ARHGAP32: variants seen among roughly 807,000 people sequenced by gnomAD.
ARHGAP32 encodes rho GTPase-activating protein 32.
In ARHGAP32, 51 loss-of-function variants were observed where a neutral mutation model predicts 186.5. The observed-to-expected ratio is 0.27, with a 90% CI of 0.22 to 0.35. ARHGAP32 has a LOEUF of 0.35. ARHGAP32 is among the 10% of genes least tolerant of loss of function. The pLI is 1.00. For missense variants in ARHGAP32, 2,186 were observed against 2,623.5 expected, an observed-to-expected ratio of 0.83 and a Z score of 3.64; for synonymous variants, 950 against 964.3, an observed-to-expected ratio of 0.99 and a Z score of 0.27.
Position 128,986,059 on chromosome 11 carries a change from T to C in ARHGAP32, c.1470A>G (p.Glu490=). The change falls in exon 15 of 23, where the codon GAA becomes GAG. Residue 490 remains glutamate, a synonymous_variant. Coordinates refer to ENST00000682385, the MANE Select transcript of ARHGAP32 (RefSeq NM_001378024.1). ...CATCGTGGATTTTTATCAGCCTTTC[T>C]TCATCTGTTGCTGCTGAAACTGCAT... ...FSDAVSAATD[E]ERLIKIHDVI... is the part of the protein sequence containing the mutation. 6.2e-7 allele frequency: 1 copy of C among 1,607,526 alleles called. No individual in the cohort carries two copies. Among genetic ancestry groups the C allele is most frequent in the Non-Finnish European group, 8.5e-7 (1 of 1,178,014 alleles).
intron 1 of ARHGAP32, among the ~76,000 whole-genome samples, chr11:129,180,139 A>C (rs892144967): frequency 6.6e-6 from 1 of 152,146 alleles, no homozygotes; most frequent in Non-Finnish European, 1.5e-5. Flanking sequence ...GAGAAAAAAT[A>C]AATCAACAAT....
chr11:128,994,128 G>C (rs1274256947), intron 12 of ARHGAP32, among the ~76,000 whole-genome samples: 1 of 151,844 alleles, frequency 6.6e-6, no homozygotes, highest in African/African-American at 2.4e-5. Context: ...AGCATGGCAG[G>C]ACAAATTGGA....
chr11:129,105,252 G>C (rs970033341), intron 5 of ARHGAP32, among the ~76,000 whole-genome samples: 2 of 152,176 alleles, frequency 1.3e-5, no homozygotes, highest in Non-Finnish European at 2.9e-5. Context: ...GCATTCAAAA[G>C]TGCCTGGGTA....
chr11:129,077,894 T>C (rs1234538399), intron 6 of ARHGAP32, among the ~76,000 whole-genome samples: 1 of 152,100 alleles, frequency 6.6e-6, no homozygotes, highest in Non-Finnish European at 1.5e-5. Flanking sequence ...CAGCAACTCA[T>C]TAAAAAACTG....
intron 1 of ARHGAP32, among the ~76,000 whole-genome samples, chr11:129,272,044 A>G (rs1282742638): frequency 6.6e-6 from 1 of 152,202 alleles, no homozygotes; most frequent in Non-Finnish European, 1.5e-5. Context: ...ATGAGCTCAA[A>G]TGATCAGGCT....
intron 2 of ARHGAP32, among the ~76,000 whole-genome samples, chr11:129,127,142 C>T (rs1272280153): frequency 6.6e-6 from 1 of 152,150 alleles, no homozygotes; most frequent in Non-Finnish European, 1.5e-5. Context: ...CTAAATACAT[C>T]TCAAGAGAAA....
chr11:129,001,581 T>C (rs1478592271), intron 11 of ARHGAP32, among the ~76,000 whole-genome samples: 3 of 152,226 alleles, frequency 2.0e-5, no homozygotes, highest in Non-Finnish European at 1.5e-5. Context: ...ACTTTACTGA[T>C]TGTTTCTTTT....
intron 2 of ARHGAP32, among the ~76,000 whole-genome samples, chr11:129,160,025 G>A (rs1232851964): frequency 6.6e-6 from 1 of 152,136 alleles, no homozygotes; most frequent in Non-Finnish European, 1.5e-5. Context: ...AATAGATGCA[G>A]AAAATCCCTT....
intron 2 of ARHGAP32, among the ~76,000 whole-genome samples, chr11:129,138,301 A>G (rs1319245): frequency 0.15 from 18,145 of 117,300 alleles, 1,212 homozygotes; most frequent in Non-Finnish European, 0.18. Flanking sequence ...ACTGGTAAAA[A>G]AAAAAAAAAA....
At chr11:129,185,472 G>A (rs1044823572) in intron 1 of ARHGAP32, among the ~76,000 whole-genome samples, 4 of 152,180 alleles carry the variant, frequency 2.6e-5, no homozygotes, top group Non-Finnish European at 5.9e-5. Flanking sequence ...GGAGAGGAGA[G>A]GGATAGCATT....
intron 5 of ARHGAP32, among the ~76,000 whole-genome samples, chr11:129,113,874 AC>A (rs985049462): frequency 1.3e-5 from 2 of 152,014 alleles, no homozygotes; most frequent in African/African-American, 4.8e-5. Flanking sequence ...ACTACTATTC[AC>A]CCAGCTGACC....
intron 1 of ARHGAP32, among the ~76,000 whole-genome samples, chr11:129,273,813 A>T (rs1413148773): frequency 6.6e-6 from 1 of 152,216 alleles, no homozygotes; most frequent in East Asian, 1.9e-4. Context: ...TTTTTAGGGC[A>T]AACTGATAGA....
At chr11:129,234,383 A>G (rs1362829856) in intron 1 of ARHGAP32, among the ~76,000 whole-genome samples, 1 of 152,076 alleles carries the variant, frequency 6.6e-6, no homozygotes, top group Non-Finnish European at 1.5e-5. Context: ...AACTATAAAA[A>G]TATATATGTA....
At position 129,072,071 on chromosome 11, in the gene ARHGAP32, T is replaced by C. The variant is rs990093399; in HGVS notation, c.532-5203A>G. On this transcript the variant is annotated intron_variant, in intron 6 of 22. Coordinates refer to ENST00000682385, the MANE Select transcript of ARHGAP32 (RefSeq NM_001378024.1). Reference sequence around the variant, plus strand: ...TGAGGATAGGGAAAGTGAAGAGATGTTGGTCAATGGGTACAAAGTTGTAGT... The same window carrying C: ...TGAGGATAGGGAAAGTGAAGAGATGCTGGTCAATGGGTACAAAGTTGTAGT... Among the ~76,000 whole-genome samples, 3 of 152,118 alleles carry C rather than the reference T, an allele frequency of 2.0e-5. No homozygotes were observed. In the South Asian group the frequency reaches 6.2e-4, roughly 32 times the overall value.
intron 5 of ARHGAP32, among the ~76,000 whole-genome samples, chr11:129,113,901 G>C (rs1323501364): frequency 4.1e-4 from 62 of 151,998 alleles, no homozygotes; most frequent in Admixed American, 4.1e-3. Flanking sequence ...AATCGCCCTA[G>C]ATTCTGCTAC....
At chr11:129,270,811 G>GAAGC (rs2135726722) in intron 1 of ARHGAP32, among the ~76,000 whole-genome samples, 1 of 152,036 alleles carries the variant, frequency 6.6e-6, no homozygotes, top group African/African-American at 2.4e-5. Flanking sequence ...TGAGAGCAGA[G>GAAGC]AAGCAGCCAG....
At chr11:129,177,315 A>G (rs1943939156) in intron 1 of ARHGAP32, among the ~76,000 whole-genome samples, 1 of 152,122 alleles carries the variant, frequency 6.6e-6, no homozygotes, top group African/African-American at 2.4e-5. Flanking sequence ...AACCAAAAAG[A>G]GTCCAGGACC....
intron 1 of ARHGAP32, among the ~76,000 whole-genome samples, chr11:129,262,326 A>T (rs150558035): frequency 3.0e-4 from 45 of 152,230 alleles, no homozygotes; most frequent in African/African-American, 8.4e-4. Context: ...TACTGAATTA[A>T]TGTTGATATA....
At chr11:129,165,246 C>T (rs1263485362) in intron 1 of ARHGAP32, among the ~76,000 whole-genome samples, 2 of 151,906 alleles carry the variant, frequency 1.3e-5, no homozygotes, top group Non-Finnish European at 2.9e-5. Flanking sequence ...ATATGTAGGA[C>T]AGGATGCCAA....
Sources: allele counts gnomAD v4.1 joint callset (sites outside exome capture counted in the v4.1 genomes callset), GRCh38; gene constraint gnomAD v4.1.1; transcripts MANE v1.5; gene names NCBI Gene and HGNC (gene_info 2026-07-23, HGNC 2026-07-21).